The following TRAPPC9 variants were observed in gnomAD, a reference collection of about 807,000 sequenced individuals.
TRAPPC9 encodes the protein trafficking protein particle complex subunit 9, also known as IKK2 binding protein.
In TRAPPC9, 83 loss-of-function variants were observed where a neutral mutation model predicts 124.0. The observed-to-expected ratio is 0.67, with a 90% confidence interval of 0.56 to 0.80. The LOEUF (loss-of-function observed/expected upper bound fraction) is 0.80, where lower values mean the gene tolerates loss of function less well. Among genes scored for constraint, TRAPPC9 ranks in the 30% least tolerant of loss-of-function variants. The probability of loss-of-function intolerance (pLI) is 0.00; values close to 1 mark genes in which losing one functional copy is unlikely to be tolerated. For synonymous variants in TRAPPC9, 638 were observed against 617.5 expected, an observed-to-expected ratio of 1.03 and a Z score of -0.49; for missense variants, 1,302 against 1,508.3, an observed-to-expected ratio of 0.86 and a Z score of 2.27.
chr8:140,196,493 ACTC>A (rs2062670305), intron 17 of TRAPPC9, among the ~76,000 whole-genome samples: 1 of 42,282 alleles, frequency 2.4e-5, no homozygotes, highest in African/African-American at 1.2e-4. Flanking sequence ...ACTAAAACAC[ACTC>A]AACGATCCAC....
chr8:139,933,058 T>G (rs1563932406), intron 19 of TRAPPC9: 1 of 157,550 alleles, frequency 6.3e-6, no homozygotes, highest in East Asian at 1.9e-4. Flanking sequence ...AACATCTCTC[T>G]TCTCGAGACC....
intron 21 of TRAPPC9, among the ~76,000 whole-genome samples, chr8:139,756,648 C>T (rs539011104): frequency 1.5e-5 from 2 of 132,268 alleles, no homozygotes; most frequent in South Asian, 2.6e-4. Flanking sequence ...GACAGCAGGT[C>T]GCAGGAGGAG....
intron 16 of TRAPPC9, among the ~76,000 whole-genome samples, chr8:140,221,976 A>G (rs572172275): frequency 1.3e-5 from 2 of 152,342 alleles, no homozygotes; most frequent in African/African-American, 4.8e-5. Flanking sequence ...TGTGTCCTCC[A>G]TAAGCACATA....
At chr8:140,000,382 G>A (rs1379979170) in intron 18 of TRAPPC9, among the ~76,000 whole-genome samples, 2 of 152,140 alleles carry the variant, frequency 1.3e-5, no homozygotes, top group East Asian at 3.8e-4. Context: ...ATAGACAAAT[G>A]GGATCTAATT....
At chr8:140,397,007 T>C (rs940759310) in intron 7 of TRAPPC9, among the ~76,000 whole-genome samples, 2 of 152,212 alleles carry the variant, frequency 1.3e-5, no homozygotes, top group African/African-American at 4.8e-5. Context: ...TACGTTCTCA[T>C]ACTCGTCTGG....
chr8:139,986,785 G>A (rs960644986), intron 19 of TRAPPC9, among the ~76,000 whole-genome samples: 2 of 152,176 alleles, frequency 1.3e-5, no homozygotes, highest in Admixed American at 1.3e-4. Context: ...ATAGATACAT[G>A]TGTGTAACCC....
chr8:139,905,852 T>C (rs535637739), intron 20 of TRAPPC9, among the ~76,000 whole-genome samples: 2 of 152,094 alleles, frequency 1.3e-5, no homozygotes, highest in African/African-American at 2.4e-5. Context: ...ACCAACACTT[T>C]GGGAGGCCGA....
chr8:140,108,201 A>T (rs2130461230), intron 17 of TRAPPC9, among the ~76,000 whole-genome samples: 1 of 152,304 alleles, frequency 6.6e-6, no homozygotes, highest in South Asian at 2.1e-4. Flanking sequence ...GTAAATAGCC[A>T]ACTACATAAT....
chr8:140,089,862 G>C lies in TRAPPC9; in HGVS notation c.2557-65783C>G, dbSNP rs117621756. Among the ~76,000 whole-genome samples, 486 of 152,236 alleles carry C rather than the reference G, an allele frequency of 3.2e-3. 3 individuals are homozygous for C. The highest frequency in any genetic ancestry group is 0.012 in the South Asian group (59 of 4,816). On this transcript the variant is annotated intron_variant, in intron 17 of 22. Transcript: ENST00000438773. ...TGGGAGGCCGAGGCGGGCATATCAC[G>C]AGGTGAGGAGATCAAGACCATCCTG...
intron 17 of TRAPPC9, among the ~76,000 whole-genome samples, chr8:140,135,285 G>A (rs989782461): frequency 1.8e-4 from 28 of 152,240 alleles, no homozygotes; most frequent in African/African-American, 6.0e-4. Context: ...TAGAATCCTC[G>A]TAAGTCATAG....
chr8:139,875,369 C>A (rs1041171885), intron 21 of TRAPPC9, among the ~76,000 whole-genome samples: 11 of 152,340 alleles, frequency 7.2e-5, no homozygotes, highest in Admixed American at 5.2e-4. Context: ...GCCTGAAACA[C>A]AGCAGCCATG....
intron 10 of TRAPPC9, among the ~76,000 whole-genome samples, chr8:140,304,093 ATTT>A (rs549536451): frequency 2.1e-5 from 3 of 140,862 alleles, no homozygotes; most frequent in Non-Finnish European, 4.7e-5. Flanking sequence ...GCCTGACTTA[ATTT>A]TTTTTTTTTT....
At chr8:139,821,743 G>A (rs892799499) in intron 21 of TRAPPC9, among the ~76,000 whole-genome samples, 4 of 152,186 alleles carry the variant, frequency 2.6e-5, no homozygotes, top group African/African-American at 7.2e-5. Flanking sequence ...CCCATGGTGA[G>A]GCTCCATGAC....
At chr8:139,757,384 A>G (rs12216816) in intron 21 of TRAPPC9, among the ~76,000 whole-genome samples, 32,352 of 110,214 alleles carry the variant, frequency 0.29, 5,858 homozygotes, top group Non-Finnish European at 0.42. Context: ...TGAGGACAGC[A>G]GGTCGCAGGA....
At chr8:139,856,393 C>G (rs546554450) in intron 21 of TRAPPC9, among the ~76,000 whole-genome samples, 6 of 152,298 alleles carry the variant, frequency 3.9e-5, no homozygotes, top group Admixed American at 1.3e-4. Flanking sequence ...AGACCTCAGA[C>G]AGCCCTGCGG....
At chr8:139,756,821 A>T (rs1272604539) in intron 21 of TRAPPC9, among the ~76,000 whole-genome samples, 89 of 48,198 alleles carry the variant, frequency 1.8e-3, no homozygotes, top group South Asian at 3.2e-3. Context: ...GGAGCCAGGG[A>T]TTGGGGATGA....
chr8:140,153,539 T>C (rs976358907), intron 17 of TRAPPC9, among the ~76,000 whole-genome samples: 2 of 152,190 alleles, frequency 1.3e-5, no homozygotes, highest in Non-Finnish European at 2.9e-5. Flanking sequence ...TGGCTCTGTC[T>C]TTCTCCATAG....
At chr8:140,042,338 G>A (rs1011171140) in intron 17 of TRAPPC9, among the ~76,000 whole-genome samples, 1 of 151,998 alleles carries the variant, frequency 6.6e-6, no homozygotes, top group African/African-American at 2.4e-5. Context: ...AAAATAAAAC[G>A]TTGGGGAAAA....
At chr8:140,400,891 C>A (rs907796974) in intron 6 of TRAPPC9, among the ~76,000 whole-genome samples, 1 of 152,162 alleles carries the variant, frequency 6.6e-6, no homozygotes, top group African/African-American at 2.4e-5. Flanking sequence ...TCCATGCTAG[C>A]CATTCTGCAT....
Sources: allele counts gnomAD v4.1 joint callset (sites outside exome capture counted in the v4.1 genomes callset), GRCh38; gene constraint gnomAD v4.1.1; transcripts MANE v1.5; gene names NCBI Gene and HGNC (gene_info 2026-07-23, HGNC 2026-07-21).